XKR6: variants seen among roughly 807,000 people sequenced by gnomAD.
XKR6 encodes the protein XK related 6, also known as XK-related protein 6.
XKR6 carries 22 observed loss-of-function variants against 56.7 expected under a neutral mutation model. The ratio of observed to expected loss-of-function variants is 0.39; its 90% CI spans 0.28 to 0.55. The LOEUF (loss-of-function observed/expected upper bound fraction) is 0.55, where lower values mean the gene tolerates loss of function less well. Ranked by LOEUF, XKR6 falls within the 20% of genes least tolerant of loss-of-function variation. The pLI is 0.66. For synonymous variants in XKR6, 524 were observed against 387.8 expected, an observed-to-expected ratio of 1.35 and a Z score of -4.13; for missense variants, 852 against 889.0, an observed-to-expected ratio of 0.96 and a Z score of 0.53.
intron 1 of XKR6, among the ~76,000 whole-genome samples, chr8:11,014,488 A>G (rs1263862261): frequency 6.6e-6 from 1 of 152,184 alleles, no homozygotes; most frequent in East Asian, 1.9e-4. Context: ...ACTTCCAGTA[A>G]GGTTGGAGCC....
intron 1 of XKR6, among the ~76,000 whole-genome samples, chr8:11,031,826 G>T (rs1479415867): frequency 1.3e-5 from 2 of 152,186 alleles, no homozygotes; most frequent in East Asian, 3.8e-4. Context: ...TCCTATACTG[G>T]AATGGAAAGT....
intron 2 of XKR6, among the ~76,000 whole-genome samples, chr8:10,921,960 A>C (rs1358351617): frequency 7.2e-5 from 11 of 152,186 alleles, no homozygotes. Flanking sequence ...ACTCCTCTCT[A>C]GCGAATGGGA....
intron 1 of XKR6, among the ~76,000 whole-genome samples, chr8:11,040,964 C>G (rs1324155933): frequency 1.3e-5 from 2 of 152,142 alleles, no homozygotes; most frequent in African/African-American, 4.8e-5. Flanking sequence ...CGGGCAGATA[C>G]TGAAGCAAAT....
At chr8:11,008,893 G>C (rs1016169944) in intron 1 of XKR6, among the ~76,000 whole-genome samples, 6 of 152,094 alleles carry the variant, frequency 3.9e-5, no homozygotes, top group Non-Finnish European at 8.8e-5. Context: ...TTACAGCCTG[G>C]GTCCCATCAC....
In XKR6 at chr8:11,201,059, G is replaced by A. The variant is rs1563217124; in HGVS notation, c.281C>T (p.Pro94Leu). ...GCCGGGGGCCGCGGGAGGCTGCAGC[G>A]GCTGGTCCCCCCCGTCGGCGGCGGC... ...RSAAADGGDQ[P>L]LQPPAAPGAG... The change falls in exon 1 of 3, where the codon CCG becomes CTG. Residue 94 changes from proline to leucine, a missense_variant. Pro to Leu is a moderately conservative substitution (Grantham distance 98). Transcript: ENST00000416569. The A allele has an allele frequency of 3.9e-6, 5 of 1,281,080 alleles. No homozygotes were observed. The highest frequency in any genetic ancestry group is 2.9e-4 in the Middle Eastern group (1 of 3,462). The allele number at this position is 1,281,080 out of a possible 1,614,324, so 79.4% of individuals were successfully genotyped here.
At chr8:11,082,762 C>T (rs1797765873) in intron 1 of XKR6, among the ~76,000 whole-genome samples, 5 of 152,224 alleles carry the variant, frequency 3.3e-5, no homozygotes, top group Non-Finnish European at 7.3e-5. Context: ...GGCCACTGGG[C>T]TGGGCCTTTG....
chr8:11,077,823 T>G (rs1435270886), intron 1 of XKR6, among the ~76,000 whole-genome samples: 1 of 152,226 alleles, frequency 6.6e-6, no homozygotes, highest in African/African-American at 2.4e-5. Flanking sequence ...TGGAGTCTGC[T>G]GCTGCTGTAG....
At chr8:11,136,824 T>C (rs1021235351) in intron 1 of XKR6, 4 of 152,224 alleles carry the variant, frequency 2.6e-5, no homozygotes, top group Admixed American at 2.0e-4. Flanking sequence ...ATATTTCTGT[T>C]ATAAAAGCCC....
At chr8:11,050,672 A>T (rs955613969) in intron 1 of XKR6, among the ~76,000 whole-genome samples, 2 of 152,082 alleles carry the variant, frequency 1.3e-5, no homozygotes, top group Non-Finnish European at 2.9e-5. Flanking sequence ...ACACTTGTGG[A>T]TATTTTTCTT....
chr8:10,926,997 G>T (rs562072710), intron 1 of XKR6, among the ~76,000 whole-genome samples: 1 of 152,346 alleles, frequency 6.6e-6, no homozygotes, highest in South Asian at 2.1e-4. Flanking sequence ...GTAGGAGGGA[G>T]CTGAAGGGGA....
intron 1 of XKR6, among the ~76,000 whole-genome samples, chr8:10,950,205 C>CCTCCTG (rs143846095): frequency 0.071 from 10,746 of 152,232 alleles, 398 homozygotes; most frequent in Middle Eastern, 0.14. Flanking sequence ...GCAGCCCTCA[C>CCTCCTG]CTCCTGCTGC....
intron 1 of XKR6, among the ~76,000 whole-genome samples, chr8:11,033,818 A>G (rs1799068297): frequency 6.6e-6 from 1 of 152,188 alleles, no homozygotes; most frequent in Non-Finnish European, 1.5e-5. Context: ...AGGGGTCCAG[A>G]AATACACATT....
At chr8:10,984,420 A>T (rs1050002547) in intron 1 of XKR6, among the ~76,000 whole-genome samples, 1 of 152,208 alleles carries the variant, frequency 6.6e-6, no homozygotes, top group East Asian at 1.9e-4. Context: ...GATTTTTAGC[A>T]TTGGCCTGAG....
At chr8:10,939,481 A>G (rs1438831857) in intron 1 of XKR6, among the ~76,000 whole-genome samples, 1 of 152,204 alleles carries the variant, frequency 6.6e-6, no homozygotes, top group African/African-American at 2.4e-5. Flanking sequence ...CCCTGGGGAC[A>G]AGCCAGCTCC....
chr8:11,143,518 G>A (rs1800814119), intron 1 of XKR6, among the ~76,000 whole-genome samples: 1 of 152,128 alleles, frequency 6.6e-6, no homozygotes, highest in Admixed American at 6.5e-5. Context: ...TTAAATAGCT[G>A]GAGTGATACC....
intron 1 of XKR6, among the ~76,000 whole-genome samples, chr8:10,993,832 G>A (rs921102233): frequency 1.3e-5 from 2 of 152,164 alleles, no homozygotes; most frequent in Middle Eastern, 3.2e-3. Context: ...AGGGGCTGGG[G>A]TTCCCTACCT....
At chr8:11,150,719 G>T (rs1393767587) in intron 1 of XKR6, among the ~76,000 whole-genome samples, 1 of 151,994 alleles carries the variant, frequency 6.6e-6, no homozygotes. Flanking sequence ...TGGGTGTGGT[G>T]GCGGGCGCCT....
At chr8:11,024,204 GGTGTGTGTGTGTGTGTGTGTGTGT>G (rs61021720) in intron 1 of XKR6, among the ~76,000 whole-genome samples, 5 of 136,810 alleles carry the variant, frequency 3.7e-5, no homozygotes, top group African/African-American at 5.4e-5. Flanking sequence ...CCTGTTAGGA[GGTGTGTGTGTGTGTGTGTGTGTGT>G]GTGTGTGTGT....
intron 1 of XKR6, among the ~76,000 whole-genome samples, chr8:11,050,562 CATTTT>C (rs1382170675): frequency 8.1e-6 from 1 of 123,796 alleles, no homozygotes; most frequent in Non-Finnish European, 1.6e-5. Context: ...AAAGAGCTTT[CATTTT>C]ATTTAAAAAA....
Sources: allele counts gnomAD v4.1 joint callset (sites outside exome capture counted in the v4.1 genomes callset), GRCh38; gene constraint gnomAD v4.1.1; transcripts MANE v1.5; gene names NCBI Gene and HGNC (gene_info 2026-07-23, HGNC 2026-07-21).